Variants in ZNF333 observed in about 807,000 individuals in gnomAD.
ZNF333 encodes the protein zinc finger protein 333.
ZNF333 carries 61 observed loss-of-function variants against 76.1 expected under a neutral mutation model. That is an observed-to-expected ratio of 0.80 (90% CI 0.65 to 0.99). ZNF333 has a LOEUF of 0.99. ZNF333 is among the 50% of genes least tolerant of loss of function. The pLI, the probability that ZNF333 is intolerant of heterozygous loss-of-function variation, is 0.00. For synonymous variants in ZNF333, 284 were observed against 305.0 expected, an observed-to-expected ratio of 0.93 and a Z score of 0.72; for missense variants, 717 against 822.4, an observed-to-expected ratio of 0.87 and a Z score of 1.57.
exon 12 of ZNF333, chr19:14,732,157 C>T (rs1383440742): frequency 6.6e-6 from 1 of 152,168 alleles, no homozygotes; most frequent in East Asian, 1.9e-4. Context: ...CATTTCATTG[C>T]CCTTCACAGA....
downstream of ZNF333, among the ~76,000 whole-genome samples, chr19:14,722,470 G>A (rs576634678): frequency 6.6e-6 from 1 of 152,306 alleles, no homozygotes; most frequent in African/African-American, 2.4e-5. Context: ...TTTTGTTGTT[G>A]TTGAGTTGTG....
intron 4 of ZNF333, among the ~76,000 whole-genome samples, chr19:14,698,653 G>C (rs1457120775): frequency 6.6e-6 from 1 of 151,602 alleles, no homozygotes; most frequent in Non-Finnish European, 1.5e-5. Flanking sequence ...GCCTGGCCAA[G>C]ATGGTGAAAT....
In ZNF333 at chr19:14,720,625, G is replaced by A. The variant is rs185493232; in HGVS notation, c.*1300G>A. ...CTTTTGTTTGTTTTTGTTTTTGGTG[G>A]GAGGTTTATTTCACCTGAATATAAT... On this transcript the variant is annotated 3_prime_UTR_variant, in exon 12 of 12. Transcript: ENST00000292530. The A allele has an allele frequency of 5.8e-4, 568 of 985,306 alleles. 9 individuals carry two copies. Among genetic ancestry groups the A allele is most frequent in the East Asian group, 4.1e-3 (36 of 8,812 alleles). 61.0% of individuals were successfully genotyped at this position (985,306 alleles called of 1,614,324 possible).
At chr19:14,698,501 C>T (rs1200863559) in intron 4 of ZNF333, among the ~76,000 whole-genome samples, 1 of 151,020 alleles carries the variant, frequency 6.6e-6, no homozygotes, top group East Asian at 1.9e-4. Flanking sequence ...GCCAAGATCG[C>T]ACCACTGCAC....
intron 7 of ZNF333, chr19:14,708,097 T>A: frequency 2.6e-6 from 1 of 391,134 alleles, no homozygotes; most frequent in East Asian, 3.6e-5. Flanking sequence ...AACCTCTGCC[T>A]CCCGGGTTCA....
In ZNF333 at chr19:14,719,554, A is replaced by C. The variant is rs2042543786; in HGVS notation, c.*229A>C. The C allele has an allele frequency of 9.1e-7, 1 of 1,102,560 alleles. No homozygotes were observed. The highest frequency in any genetic ancestry group is 3.5e-5 in the Admixed American group (1 of 28,942). 68.3% of individuals were successfully genotyped at this position (1,102,560 alleles called of 1,614,324 possible). A position where few individuals can be genotyped will look rare whatever the true frequency, so the allele number is the denominator to read the frequency against. On this transcript the variant is annotated 3_prime_UTR_variant, in exon 12 of 12. Coordinates refer to ENST00000292530, the MANE Select transcript of ZNF333 (RefSeq NM_032433.4). ...TAGAGGTATAATGACTTATAGTGAA[A>C]TGCATACATCTGAAGTGTACAGTTG...
intron 11 of ZNF333, 57 bp from the exon 12 acceptor site, chr19:14,718,171 G>T: frequency 6.5e-7 from 1 of 1,542,938 alleles, no homozygotes. Flanking sequence ...TCACATAGGG[G>T]AGAATATCTG....
intron 11 of ZNF333, among the ~76,000 whole-genome samples, chr19:14,730,170 G>A (rs142023057): frequency 9.5e-4 from 144 of 152,058 alleles, no homozygotes; most frequent in African/African-American, 3.4e-3. Flanking sequence ...CTTCTGCCTC[G>A]CAGCCTCCTG....
Position 14,705,050 on chromosome 19 carries a change from C to G in ZNF333, c.307-4C>G. ...CTGCTCAGCACCCTCTTGTCTTTTG[C>G]CAGGGGCCGGGGCTGTTCCTGAGGA... On this transcript the variant is annotated splice_polypyrimidine_tract_variant and splice_region_variant and intron_variant, in intron 5 of 11. Transcript: ENST00000292530. 6.2e-7 allele frequency: 1 copy of G among 1,612,952 alleles called. No homozygotes were observed. The highest frequency in any genetic ancestry group is 8.5e-7 in the Non-Finnish European group (1 of 1,179,306).
At chr19:14,700,497 T>C (rs544854852) in intron 5 of ZNF333, 3 of 152,326 alleles carry the variant, frequency 2.0e-5, no homozygotes, top group East Asian at 3.9e-4. Context: ...ATCCTTTTCT[T>C]CTTAGGAGAC....
Position 14,719,903 on chromosome 19 carries a change from C to T in ZNF333, c.*578C>T, listed in dbSNP as rs571292139. Reference sequence around the variant, plus strand: ...GCACTATTAAAAAGCTTCCATCTCCCGGCTGGGCACGGTGGCTCATGCCTC... The same window carrying T: ...GCACTATTAAAAAGCTTCCATCTCCTGGCTGGGCACGGTGGCTCATGCCTC... On this transcript the variant is annotated 3_prime_UTR_variant, in exon 12 of 12. Transcript: ENST00000292530. The T allele has an allele frequency of 2.2e-5, 22 of 985,522 alleles. No homozygotes were observed. Among genetic ancestry groups the T allele is most frequent in the African/African-American group, 8.7e-5 (5 of 57,318 alleles). 61.0% of individuals were successfully genotyped at this position (985,522 alleles called of 1,614,324 possible). A position where few individuals can be genotyped will look rare whatever the true frequency, so the allele number is the denominator to read the frequency against.
chr19:14,706,698 G>T lies in ZNF333; in HGVS notation c.436G>T (p.Ala146Ser), dbSNP rs139606625. 6.2e-7 allele frequency: 1 copy of T among 1,613,946 alleles called. No individual in the cohort carries two copies. The highest frequency in any genetic ancestry group is 8.5e-7 in the Non-Finnish European group (1 of 1,180,012). The part of the protein sequence containing the change: ...WSLGCTGLKA[A>S]MQIQRVVIPV... ...TCACTCTGTCCAGGGACTGAAGGCC[G>T]CTATGCAGATTCAGAGGGTGGTGAT... The change falls in exon 7 of 12, where the codon GCT becomes TCT. Residue 146 changes from alanine to serine, a missense_variant. Physicochemically the swap from Ala to Ser is moderately conservative, Grantham distance 99. Coordinates refer to ENST00000292530, the MANE Select transcript of ZNF333 (RefSeq NM_032433.4).
At chr19:14,691,563 T>A (rs1029675560) in intron 1 of ZNF333, among the ~76,000 whole-genome samples, 1 of 152,138 alleles carries the variant, frequency 6.6e-6, no homozygotes, top group Non-Finnish European at 1.5e-5. Flanking sequence ...CTTGCCTTTT[T>A]AAAAAGAATT....
chr19:14,729,509 C>T (rs753741560), intron 11 of ZNF333, among the ~76,000 whole-genome samples: 1 of 152,064 alleles, frequency 6.6e-6, no homozygotes, highest in Non-Finnish European at 1.5e-5. Context: ...CAGGCATGCA[C>T]CACCATGCCT....
At chr19:14,705,270 T>C in intron 6 of ZNF333, 100 bp downstream of exon 6, 2 of 929,616 alleles carry the variant, frequency 2.2e-6, no homozygotes, top group Non-Finnish European at 3.3e-6. Flanking sequence ...GAAAGGAGGG[T>C]GTTTGGGGCC....
At chr19:14,725,172 T>C (rs935982419), downstream of ZNF333, among the ~76,000 whole-genome samples, 2 of 152,004 alleles carry the variant, frequency 1.3e-5, no homozygotes, top group Non-Finnish European at 2.9e-5. Context: ...CAGGGGAGAT[T>C]GCATGCTCTT....
intron 4 of ZNF333, among the ~76,000 whole-genome samples, chr19:14,698,373 C>CA (rs35567352): frequency 2.9e-3 from 196 of 67,338 alleles, no homozygotes; most frequent in Non-Finnish European, 3.4e-3. Flanking sequence ...GACTCCGTCT[C>CA]AAAAAAAAAA....
In ZNF333 at chr19:14,718,990, A is replaced by G; in HGVS notation, c.1663A>G (p.Thr555Ala). Residue 555 changes from threonine to alanine, a missense_variant, in exon 12 of 12, where the codon ACT becomes GCT. By Grantham distance (58) the Thr-to-Ala change is moderately conservative. Coordinates refer to ENST00000292530, the MANE Select transcript of ZNF333 (RefSeq NM_032433.4). ...RLSTLKSHMR[T>A]HTGEKPYVCQ... Reference sequence around the variant, plus strand: ...TTCAACCCTGAAGAGTCACATGCGAACTCACACTGGAGAGAAGCCCTATGT... The same window carrying G: ...TTCAACCCTGAAGAGTCACATGCGAGCTCACACTGGAGAGAAGCCCTATGT... 1 of 1,614,060 alleles carries G rather than the reference A, an allele frequency of 6.2e-7. No homozygotes were observed. Among genetic ancestry groups the G allele is most frequent in the Non-Finnish European group, 8.5e-7 (1 of 1,180,014 alleles).
At chr19:14,715,963 G>C in intron 8 of ZNF333, 149 bp from the exon 9 acceptor site, 1 of 1,297,100 alleles carries the variant, frequency 7.7e-7, no homozygotes, top group Non-Finnish European at 1.1e-6. Flanking sequence ...AGAGTCCTGA[G>C]CTAAGGGCCA....
Sources: allele counts gnomAD v4.1 joint callset (sites outside exome capture counted in the v4.1 genomes callset), GRCh38; gene constraint gnomAD v4.1.1; transcripts MANE v1.5; gene names NCBI Gene and HGNC (gene_info 2026-07-23, HGNC 2026-07-21).